The following FAF1 variants were observed in gnomAD, a reference collection of about 807,000 sequenced individuals.
FAF1 encodes FAS-associated factor 1.
A neutral mutation model predicts 92.5 loss-of-function variants in FAF1; 25 were observed. The observed-to-expected ratio is 0.27, with a 90% CI of 0.20 to 0.38. FAF1 has a LOEUF of 0.38. Ranked by LOEUF, FAF1 falls within the 10% of genes least tolerant of loss-of-function variation. The pLI is 1.00. For missense variants in FAF1, 636 were observed against 793.3 expected (o/e 0.80, Z 2.38); for synonymous variants, 234 against 273.2 (o/e 0.86, Z 1.42).
At chr1:50,681,024 G>GAAT (rs151079216) in intron 7 of FAF1, among the ~76,000 whole-genome samples, 2,704 of 150,790 alleles carry the variant, frequency 0.018, 33 homozygotes, top group East Asian at 0.058. Flanking sequence ...ACTACATTCA[G>GAAT]AATAATAATA....
chr1:50,795,047 T>C (rs1266533104), intron 3 of FAF1, among the ~76,000 whole-genome samples: 1 of 152,198 alleles, frequency 6.6e-6, no homozygotes, highest in Non-Finnish European at 1.5e-5. Context: ...TTTCCCTTGC[T>C]ACTGAGGCTG....
intron 18 of FAF1, chr1:50,461,379 G>T (rs1646427648): frequency 6.6e-6 from 1 of 152,050 alleles, no homozygotes; most frequent in Non-Finnish European, 1.5e-5. Context: ...GGCCCTTATA[G>T]ACAAGACTGT....
intron 4 of FAF1, among the ~76,000 whole-genome samples, chr1:50,762,356 A>T (rs1660362043): frequency 6.6e-6 from 1 of 152,148 alleles, no homozygotes; most frequent in African/African-American, 2.4e-5. Flanking sequence ...GTTCATATGG[A>T]ACCAAAAAAG....
At chr1:50,703,435 C>A (rs1020537973) in intron 7 of FAF1, among the ~76,000 whole-genome samples, 2 of 152,036 alleles carry the variant, frequency 1.3e-5, no homozygotes, top group Admixed American at 1.3e-4. Context: ...CAGAACTAGG[C>A]CCAGAGAGGT....
At chr1:50,803,312 T>C (rs1473396689) in intron 2 of FAF1, among the ~76,000 whole-genome samples, 2 of 152,152 alleles carry the variant, frequency 1.3e-5, no homozygotes, top group Non-Finnish European at 2.9e-5. Flanking sequence ...AAAAAACATT[T>C]TCACTGAGGA....
intron 2 of FAF1, among the ~76,000 whole-genome samples, chr1:50,829,040 G>A (rs187719703): frequency 4.6e-5 from 7 of 152,236 alleles, no homozygotes; most frequent in Non-Finnish European, 8.8e-5. Context: ...TTAATAATCT[G>A]GGAAGTATAA....
intron 6 of FAF1, among the ~76,000 whole-genome samples, chr1:50,727,255 C>T (rs1419434551): frequency 6.6e-6 from 1 of 152,180 alleles, no homozygotes; most frequent in Non-Finnish European, 1.5e-5. Flanking sequence ...TTATCTTCTC[C>T]ATAGTTTTAT....
intron 2 of FAF1, among the ~76,000 whole-genome samples, chr1:50,854,611 T>C (rs541524257): frequency 2.0e-4 from 30 of 152,054 alleles, no homozygotes; most frequent in African/African-American, 7.2e-4. Flanking sequence ...GAGCCAAGTG[T>C]AGAGTACTTA....
At chr1:50,948,636 G>A (rs542948422) in intron 1 of FAF1, among the ~76,000 whole-genome samples, 7 of 151,194 alleles carry the variant, frequency 4.6e-5, no homozygotes, top group Admixed American at 1.3e-4. Flanking sequence ...AGATTCAAGC[G>A]ATTCTCACGC....
chr1:50,602,404 A>G (rs1652182931), intron 8 of FAF1, among the ~76,000 whole-genome samples: 1 of 152,158 alleles, frequency 6.6e-6, no homozygotes, highest in African/African-American at 2.4e-5. Flanking sequence ...CCAACTGTAC[A>G]CTTAAAAAAT....
intron 9 of FAF1, among the ~76,000 whole-genome samples, chr1:50,589,000 G>C (rs1002109403): frequency 6.6e-6 from 1 of 152,206 alleles, no homozygotes; most frequent in Non-Finnish European, 1.5e-5. Flanking sequence ...GCTAGGGTTA[G>C]GTGACAGGAA....
intron 1 of FAF1, among the ~76,000 whole-genome samples, chr1:50,909,029 C>T (rs933012592): frequency 1.8e-4 from 28 of 152,142 alleles, no homozygotes; most frequent in Non-Finnish European, 3.4e-4. Context: ...TTCCTTTCCA[C>T]GTTTAGTGCT....
intron 2 of FAF1, among the ~76,000 whole-genome samples, chr1:50,857,561 GATTA>G (rs1035410762): frequency 2.6e-5 from 4 of 151,742 alleles, no homozygotes; most frequent in African/African-American, 4.8e-5. Flanking sequence ...CTTTAGAAAA[GATTA>G]ATTATCAGTG....
intron 3 of FAF1, among the ~76,000 whole-genome samples, chr1:50,790,116 G>A (rs1661508520): frequency 6.6e-6 from 1 of 152,040 alleles, no homozygotes; most frequent in South Asian, 2.1e-4. Flanking sequence ...TGGAATATAA[G>A]TACCACAAGA....
rs539712826 is a variant in FAF1 at position 50,734,745 on chromosome 1, A to G, written c.551+4118T>C. 3.3e-5 allele frequency among the ~76,000 whole-genome samples: 5 copies of G among 152,140 alleles called. 1 individual carries two copies. In the South Asian group the frequency reaches 6.2e-4, roughly 19 times the overall value. The stretch of plus-strand genomic sequence containing the variant: ...CGAGACTCCATCTCAAAAAAAAAAA[A>G]AAAGAAAAAGAAAAACACATGTAGT... On this transcript the variant is annotated intron_variant, in intron 6 of 18. Transcript: ENST00000396153.
chr1:50,695,948 C>CTTTTTTTTT (rs767839672), intron 7 of FAF1, among the ~76,000 whole-genome samples: 1 of 129,394 alleles, frequency 7.7e-6, no homozygotes, highest in African/African-American at 2.8e-5. Flanking sequence ...CGTGCTTGGC[C>CTTTTTTTTT]TTTTTTTTTT....
At chr1:50,836,125 GT>G (rs1344167594) in intron 2 of FAF1, among the ~76,000 whole-genome samples, 1 of 143,542 alleles carries the variant, frequency 7.0e-6, no homozygotes, top group Non-Finnish European at 1.5e-5. Flanking sequence ...TCTGTATGTA[GT>G]TTTTTGGGGA....
chr1:50,951,755 G>GA (rs1301068021), intron 1 of FAF1, among the ~76,000 whole-genome samples: 1 of 152,168 alleles, frequency 6.6e-6, no homozygotes, highest in East Asian at 1.9e-4. Flanking sequence ...TCCCAGGAAT[G>GA]AAAAAATATG....
intron 18 of FAF1, among the ~76,000 whole-genome samples, chr1:50,467,542 T>C (rs1407735292): frequency 1.3e-5 from 2 of 152,130 alleles, no homozygotes; most frequent in East Asian, 1.9e-4. Context: ...CTCGATCTCC[T>C]GACCTCGTGA....
Sources: gnomAD v4.1 joint callset for allele counts (sites outside exome capture counted in the v4.1 genomes callset) on GRCh38, gnomAD v4.1.1 for gene constraint, MANE v1.5 for transcripts, NCBI Gene and HGNC (gene_info 2026-07-23, HGNC 2026-07-21) for gene names.